TEX10: variants seen among roughly 807,000 people sequenced by gnomAD.
The protein encoded by TEX10 is testis expressed 10, also known as testis-expressed protein 10.
Under a neutral mutation model 104.4 loss-of-function variants are expected in TEX10, and 24 were observed. The ratio of observed to expected loss-of-function variants is 0.23; its 90% CI spans 0.17 to 0.32. The LOEUF is 0.32. Among genes scored for constraint, TEX10 ranks in the 10% least tolerant of loss-of-function variants. TEX10 has a pLI of 1.00. For synonymous variants in TEX10, 396 were observed against 393.4 expected (o/e 1.01, Z -0.08); for missense variants, 921 against 1,083.9 (o/e 0.85, Z 2.11).
intron 14 of TEX10, among the ~76,000 whole-genome samples, chr9:100,302,929 C>CT (rs1554732270): frequency 3.5e-3 from 200 of 57,098 alleles, no homozygotes; most frequent in South Asian, 0.025. Context: ...TTTTTAACCG[C>CT]CCCCCCCCCA....
At chr9:100,310,224 G>A in intron 12 of TEX10, 75 bp downstream of exon 12, 1 of 1,183,724 alleles carries the variant, frequency 8.4e-7, no homozygotes, top group Non-Finnish European at 1.2e-6. Flanking sequence ...TGCTCTTTCT[G>A]GGGCTGTGGA....
intron 11 of TEX10, among the ~76,000 whole-genome samples, chr9:100,310,972 T>TA (rs148514324): frequency 0.019 from 2,931 of 152,286 alleles, 98 homozygotes; most frequent in African/African-American, 0.067. Context: ...TCAAGTGGCT[T>TA]ACAATCTACC....
chr9:100,337,968 TATGTAAATATACAC>T (rs1835054621), intron 5 of TEX10, among the ~76,000 whole-genome samples: 1 of 152,246 alleles, frequency 6.6e-6, no homozygotes, highest in South Asian at 2.1e-4. Flanking sequence ...TTGTGTTACA[TATGTAAATATACAC>T]ATGTAAATGT....
At chr9:100,327,316 G>T (rs1165113963) in intron 8 of TEX10, among the ~76,000 whole-genome samples, 1 of 151,710 alleles carries the variant, frequency 6.6e-6, no homozygotes, top group African/African-American at 2.4e-5. Flanking sequence ...TTGTAAAATG[G>T]TGAATTTTAT....
intron 4 of TEX10, among the ~76,000 whole-genome samples, chr9:100,340,704 G>A (rs112121086): frequency 6.6e-6 from 1 of 152,110 alleles, no homozygotes; most frequent in African/African-American, 2.4e-5. Context: ...TCTCCCTGAT[G>A]TTCTGTCTAC....
At chr9:100,313,606 T>C (rs146154560) in intron 11 of TEX10, among the ~76,000 whole-genome samples, 79 of 151,992 alleles carry the variant, frequency 5.2e-4, no homozygotes, top group African/African-American at 1.8e-3. Context: ...TCCAGCACTT[T>C]GGGAGGCCAA....
chr9:100,342,053 C>A (rs933196940), intron 4 of TEX10, among the ~76,000 whole-genome samples: 7 of 152,176 alleles, frequency 4.6e-5, no homozygotes, highest in South Asian at 2.1e-4. Flanking sequence ...CTACCATTCT[C>A]CCAGTACCTC....
intron 11 of TEX10, among the ~76,000 whole-genome samples, chr9:100,315,960 A>G (rs942948043): frequency 6.6e-6 from 1 of 152,212 alleles, no homozygotes; most frequent in Non-Finnish European, 1.5e-5. Context: ...GTAGGCTTGG[A>G]AAGTTTTCAT....
At chr9:100,315,352 T>TCAC (rs1410453925) in intron 11 of TEX10, among the ~76,000 whole-genome samples, 1 of 152,200 alleles carries the variant, frequency 6.6e-6, no homozygotes, top group African/African-American at 2.4e-5. Context: ...GACTGGGGTG[T>TCAC]TAAAGCACCC....
At chr9:100,303,500 C>T in intron 14 of TEX10, 132 bp downstream of exon 14, 1 of 914,812 alleles carries the variant, frequency 1.1e-6, no homozygotes, top group Non-Finnish European at 1.7e-6. Context: ...GAGAAACTAC[C>T]ATATTGGGAT....
chr9:100,351,081 C>G (rs1355921149), intron 1 of TEX10, among the ~76,000 whole-genome samples: 1 of 152,040 alleles, frequency 6.6e-6, no homozygotes, highest in Non-Finnish European at 1.5e-5. Flanking sequence ...AAGCCCGGTA[C>G]TAGATGCATT....
rs192828836 is a variant in TEX10, at chr9:100,326,764, T to C, written c.1802-285A>G. ...CAGGGGGGTAATAAGGAAAAGAGATTGAATGCAAAGTAAACAAGCAATTTT... is the reference window on the plus strand; with the variant it reads ...CAGGGGGGTAATAAGGAAAAGAGATCGAATGCAAAGTAAACAAGCAATTTT... On this transcript the variant is annotated intron_variant, in intron 8 of 14. Coordinates refer to ENST00000374902, the MANE Select transcript of TEX10 (RefSeq NM_017746.4). Among the ~76,000 whole-genome samples the C allele has an allele frequency of 1.3e-4, 20 of 152,252 alleles. No individual in the cohort carries two copies. In the East Asian group the frequency reaches 3.9e-3, roughly 29 times the overall value.
At chr9:100,323,490 TA>T (rs1234784341) in intron 9 of TEX10, among the ~76,000 whole-genome samples, 3 of 152,088 alleles carry the variant, frequency 2.0e-5, no homozygotes, top group African/African-American at 7.2e-5. Flanking sequence ...TGGCTATAAA[TA>T]AACTGGGGTA....
intron 5 of TEX10, among the ~76,000 whole-genome samples, chr9:100,336,846 G>T (rs1401880349): frequency 1.3e-5 from 2 of 152,106 alleles, no homozygotes; most frequent in Non-Finnish European, 2.9e-5. Flanking sequence ...AGTATTTAAT[G>T]CATTTACTTA....
At chr9:100,320,160 T>C in intron 11 of TEX10, 105 bp downstream of exon 11, 2 of 1,068,210 alleles carry the variant, frequency 1.9e-6, no homozygotes, top group Middle Eastern at 3.2e-4. Flanking sequence ...TTTAAACAAG[T>C]ATCTTTGAAA....
intron 5 of TEX10, among the ~76,000 whole-genome samples, chr9:100,334,557 G>A (rs1834959283): frequency 2.6e-5 from 4 of 152,126 alleles, no homozygotes; most frequent in Admixed American, 2.6e-4. Flanking sequence ...AGAATTCACA[G>A]TGGTAGACAG....
At chr9:100,313,237 G>A (rs928954697) in intron 11 of TEX10, among the ~76,000 whole-genome samples, 1 of 152,036 alleles carries the variant, frequency 6.6e-6, no homozygotes, top group Non-Finnish European at 1.5e-5. Context: ...AATAGTGGCC[G>A]GGCATGGTGG....
rs1445522507 is a variant in TEX10, at chr9:100,323,322, G to T, written c.1980-1551C>A. 3.9e-5 allele frequency among the ~76,000 whole-genome samples: 6 copies of T among 152,248 alleles called. No homozygotes were observed. In the East Asian group the frequency reaches 7.7e-4, roughly 20 times the overall value. On this transcript the variant is annotated intron_variant, in intron 9 of 14. Coordinates refer to ENST00000374902, the MANE Select transcript of TEX10 (RefSeq NM_017746.4). ...GGCGCTGATTATGCTGGGCCAAAAG[G>T]AGTAAAATGGAACTGTTCCTGGCAG...
chr9:100,316,447 G>C (rs1678617546), intron 11 of TEX10, among the ~76,000 whole-genome samples: 1 of 152,114 alleles, frequency 6.6e-6, no homozygotes, highest in South Asian at 2.1e-4. Flanking sequence ...AAGTTGGAAA[G>C]ATTTCTTGTA....
Sources: allele counts gnomAD v4.1 joint callset (sites outside exome capture counted in the v4.1 genomes callset), GRCh38; gene constraint gnomAD v4.1.1; transcripts MANE v1.5; gene names NCBI Gene and HGNC (gene_info 2026-07-23, HGNC 2026-07-21).